GRIK4: variants seen among roughly 807,000 people sequenced by gnomAD.
GRIK4 encodes the protein glutamate ionotropic receptor kainate type subunit 4, also known as glutamate receptor ionotropic, kainate 4.
Under a neutral mutation model 104.9 loss-of-function variants are expected in GRIK4, and 40 were observed. That is an observed-to-expected ratio of 0.38 (90% CI 0.30 to 0.50). GRIK4 has a LOEUF of 0.50. Ranked by LOEUF, GRIK4 falls within the 20% of genes least tolerant of loss-of-function variation. GRIK4 has a pLI of 0.93. For synonymous variants in GRIK4, 485 were observed against 524.9 expected (o/e 0.92, Z 1.04); for missense variants, 1,047 against 1,308.1 (o/e 0.80, Z 3.08).
chr11:120,936,234 G>C (rs1029912902), intron 13 of GRIK4: 17 of 447,372 alleles, frequency 3.8e-5, no homozygotes, highest in African/African-American at 3.3e-4. Flanking sequence ...TTTTCATATG[G>C]CCGCTAGTCA....
At chr11:120,704,222 TATG>T (rs1950595096) in intron 3 of GRIK4, among the ~76,000 whole-genome samples, 2 of 152,356 alleles carry the variant, frequency 1.3e-5, no homozygotes, top group East Asian at 1.9e-4. Flanking sequence ...TTACTTTTCT[TATG>T]ATGATATATA....
intron 1 of GRIK4, among the ~76,000 whole-genome samples, chr11:120,530,041 C>T (rs1048685268): frequency 6.6e-6 from 1 of 152,174 alleles, no homozygotes; most frequent in Non-Finnish European, 1.5e-5. Flanking sequence ...AAGGGTGCCC[C>T]AAGTGTGAGT....
intron 3 of GRIK4, among the ~76,000 whole-genome samples, chr11:120,775,072 G>A (rs940999060): frequency 5.3e-5 from 8 of 152,198 alleles, no homozygotes; most frequent in African/African-American, 1.9e-4. Flanking sequence ...TCCCAGAGGG[G>A]CAGTTTATGT....
At chr11:120,726,003 G>C (rs748698466) in intron 3 of GRIK4, among the ~76,000 whole-genome samples, 3 of 152,140 alleles carry the variant, frequency 2.0e-5, no homozygotes, top group Non-Finnish European at 4.4e-5. Context: ...TAGCACTTAG[G>C]GTATTCAGGA....
chr11:120,570,175 C>G (rs995588329), intron 1 of GRIK4, among the ~76,000 whole-genome samples: 3 of 152,166 alleles, frequency 2.0e-5, no homozygotes, highest in Non-Finnish European at 4.4e-5. Context: ...CGTGGGGAAC[C>G]TCGCTCTACT....
At chr11:120,913,681 T>C (rs1943046174) in intron 13 of GRIK4, among the ~76,000 whole-genome samples, 1 of 151,770 alleles carries the variant, frequency 6.6e-6, no homozygotes, top group Non-Finnish European at 1.5e-5. Context: ...AAATAGCTCT[T>C]ACCAATGACA....
intron 13 of GRIK4, among the ~76,000 whole-genome samples, chr11:120,912,801 G>C (rs1943028759): frequency 6.6e-6 from 1 of 152,234 alleles, no homozygotes; most frequent in Non-Finnish European, 1.5e-5. Context: ...ATGGATTGGG[G>C]AAATGCAGGG....
chr11:120,794,306 G>A (rs1439923679), intron 3 of GRIK4, among the ~76,000 whole-genome samples: 2 of 152,112 alleles, frequency 1.3e-5, no homozygotes, highest in Admixed American at 6.5e-5. Flanking sequence ...GGAGGGGAAG[G>A]GTGGTGTTAG....
chr11:120,788,659 G>C (rs1192823730), intron 3 of GRIK4, among the ~76,000 whole-genome samples: 1 of 152,166 alleles, frequency 6.6e-6, no homozygotes, highest in Non-Finnish European at 1.5e-5. Flanking sequence ...CCCTCCATCT[G>C]CCTTTTTGCA....
In GRIK4 at chr11:120,828,750, C is replaced by T. The variant is rs970802298; in HGVS notation, c.512-3102C>T. On this transcript the variant is annotated intron_variant, in intron 6 of 20. Transcript: ENST00000527524. ...TCGCCGCCTCCTCCTCTCTCCTGTCCCCGCCCCGCGTCTCAGCACACAGAG... is the reference window on the plus strand; with the variant it reads ...TCGCCGCCTCCTCCTCTCTCCTGTCTCCGCCCCGCGTCTCAGCACACAGAG... Among the ~76,000 whole-genome samples, 3 of 152,154 alleles carry T rather than the reference C, an allele frequency of 2.0e-5. No homozygotes were observed. In the South Asian group the frequency reaches 6.2e-4, roughly 32 times the overall value.
chr11:120,961,180 T>G, intron 17 of GRIK4, 106 bp downstream of exon 17: 1 of 1,066,760 alleles, frequency 9.4e-7, no homozygotes, highest in Non-Finnish European at 1.4e-6. Flanking sequence ...ATTATCTCTT[T>G]TGAACATATA....
chr11:120,655,364 G>A (rs965673846), intron 2 of GRIK4, among the ~76,000 whole-genome samples: 4 of 152,044 alleles, frequency 2.6e-5, no homozygotes, highest in African/African-American at 7.2e-5. Flanking sequence ...GAGGAGTGGG[G>A]CTTTGGCTCT....
rs1168155419 is a variant in GRIK4, at chr11:120,781,997, C to T, written c.83-20696C>T. Among the ~76,000 whole-genome samples the T allele has an allele frequency of 2.0e-5, 3 of 152,188 alleles. No individual in the cohort carries two copies. In the South Asian group the frequency reaches 6.2e-4, roughly 32 times the overall value. On this transcript the variant is annotated intron_variant, in intron 3 of 20. Transcript: ENST00000527524. ...CTCCAACTTGGCATGTTCTTCCTCT[C>T]TCTCCTATGGCTTCTTCCTCCTGAT...
chr11:120,728,096 A>G (rs745341425), intron 3 of GRIK4, among the ~76,000 whole-genome samples: 5 of 152,160 alleles, frequency 3.3e-5, no homozygotes, highest in Admixed American at 6.5e-5. Context: ...CAGAATATTA[A>G]CTCAGAAGAA....
intron 11 of GRIK4, among the ~76,000 whole-genome samples, chr11:120,882,539 G>A (rs974248389): frequency 2.6e-5 from 4 of 152,206 alleles, no homozygotes; most frequent in African/African-American, 9.6e-5. Flanking sequence ...CGGCAGATCC[G>A]GGTGGAGGGA....
At chr11:120,633,588 A>AT (rs1210337653) in intron 1 of GRIK4, among the ~76,000 whole-genome samples, 1 of 152,200 alleles carries the variant, frequency 6.6e-6, no homozygotes, top group Non-Finnish European at 1.5e-5. Flanking sequence ...TTTATTGTTT[A>AT]TTAATAAAGA....
intron 9 of GRIK4, among the ~76,000 whole-genome samples, chr11:120,864,235 T>C (rs1954337963): frequency 6.6e-6 from 1 of 150,424 alleles, no homozygotes; most frequent in South Asian, 2.1e-4. Flanking sequence ...ATTTATTTAT[T>C]TATTTATTTA....
intron 1 of GRIK4, among the ~76,000 whole-genome samples, chr11:120,598,922 A>C (rs1309041885): frequency 6.6e-6 from 1 of 152,226 alleles, no homozygotes; most frequent in African/African-American, 2.4e-5. Context: ...TCCAGACTCA[A>C]GGGATGGATA....
chr11:120,658,901 A>G (rs1335048433), intron 2 of GRIK4, among the ~76,000 whole-genome samples: 3 of 151,706 alleles, frequency 2.0e-5, no homozygotes, highest in Admixed American at 2.0e-4. Flanking sequence ...GGCGCCTGCC[A>G]CCACACCTGG....
Sources: allele counts gnomAD v4.1 joint callset (sites outside exome capture counted in the v4.1 genomes callset), GRCh38; gene constraint gnomAD v4.1.1; transcripts MANE v1.5; gene names NCBI Gene and HGNC (gene_info 2026-07-23, HGNC 2026-07-21).